Variants in ADAM32 observed in about 807,000 individuals in gnomAD.
ADAM32 encodes ADAM metallopeptidase domain 32.
ADAM32 carries 89 observed loss-of-function variants against 114.9 expected under a neutral mutation model. The observed-to-expected ratio is 0.77, with a 90% confidence interval of 0.65 to 0.92. The LOEUF is 0.92. Ranked by LOEUF, ADAM32 falls within the 40% of genes least tolerant of loss-of-function variation. The pLI, the probability that ADAM32 is intolerant of heterozygous loss-of-function variation, is 0.00. For missense variants in ADAM32, 870 were observed against 932.8 expected, an observed-to-expected ratio of 0.93 and a Z score of 0.88; for synonymous variants, 285 against 307.5, an observed-to-expected ratio of 0.93 and a Z score of 0.77.
At chr8:39,141,419 C>G (rs1373602786) in intron 3 of ADAM32, among the ~76,000 whole-genome samples, 2 of 152,192 alleles carry the variant, frequency 1.3e-5, no homozygotes, top group African/African-American at 4.8e-5. Flanking sequence ...CAAAGAACAT[C>G]TTTATTTCTC....
chr8:39,225,976 C>A (rs1035529201), intron 14 of ADAM32, among the ~76,000 whole-genome samples: 8 of 152,060 alleles, frequency 5.3e-5, no homozygotes, highest in Non-Finnish European at 7.4e-5. Context: ...ATTGCCTGAA[C>A]AAGATTCAAA....
intron 22 of ADAM32, among the ~76,000 whole-genome samples, chr8:39,277,544 C>G (rs546714026): frequency 6.6e-6 from 1 of 152,212 alleles, no homozygotes; most frequent in Non-Finnish European, 1.5e-5. Context: ...AGGGGTGCCT[C>G]GTTTACTCAG....
chr8:39,263,578 A>G (rs570403344), intron 19 of ADAM32, among the ~76,000 whole-genome samples: 2 of 152,264 alleles, frequency 1.3e-5, no homozygotes, highest in Middle Eastern at 6.8e-3. Flanking sequence ...AAACTGGGAT[A>G]TAATTTACAT....
chr8:39,188,911 A>G (rs1022191105), intron 11 of ADAM32, among the ~76,000 whole-genome samples: 3 of 152,154 alleles, frequency 2.0e-5, no homozygotes, highest in African/African-American at 7.2e-5. Context: ...CTCACACATT[A>G]TGTTAGTTCT....
At chr8:39,181,077 G>A (rs1219144797) in intron 10 of ADAM32, among the ~76,000 whole-genome samples, 2 of 152,202 alleles carry the variant, frequency 1.3e-5, no homozygotes, top group Admixed American at 6.5e-5. Context: ...GATGTGGGTG[G>A]GGCCAGATAA....
At chr8:39,254,044 G>T (rs371173545) in intron 17 of ADAM32, among the ~76,000 whole-genome samples, 2 of 151,562 alleles carry the variant, frequency 1.3e-5, no homozygotes, top group Non-Finnish European at 3.0e-5. Context: ...CATATAAAGC[G>T]ATGGATGAAA....
chr8:39,192,079 C>T (rs755827536), intron 11 of ADAM32, among the ~76,000 whole-genome samples: 7 of 152,032 alleles, frequency 4.6e-5, no homozygotes, highest in Non-Finnish European at 1.0e-4. Flanking sequence ...GTTTTTGGTC[C>T]GTTCAGGGAT....
rs1372370309 is a variant in ADAM32 at position 39,151,366 on chromosome 8, T to C, written c.354-11T>C. 1.3e-6 allele frequency: 2 copies of C among 1,566,962 alleles called. No individual in the cohort carries two copies. The highest frequency in any genetic ancestry group is 2.0e-5 in the Admixed American group (1 of 49,264). The stretch of plus-strand genomic sequence containing the variant: ...TTAAAAGCACTTAAAATTGTATTCA[T>C]AATTTCACAGAGGAATACTGCAATT... On this transcript the variant is annotated splice_polypyrimidine_tract_variant and intron_variant, in intron 5 of 24. Coordinates refer to ENST00000379907, the MANE Select transcript of ADAM32 (RefSeq NM_145004.7).
In ADAM32 at chr8:39,187,064, T is replaced by C; in HGVS notation, c.1052+19T>C. 1 of 1,582,552 alleles carries C rather than the reference T, an allele frequency of 6.3e-7. No individual in the cohort carries two copies. The highest frequency in any genetic ancestry group is 8.6e-7 in the Non-Finnish European group (1 of 1,162,976). ...AAGTTGTGTAAGTTTTAACAATTTA[T>C]TTATTGCTTATGTTTATTTCATTTT... is the stretch of plus-strand genomic sequence containing the variant. On this transcript the variant is annotated intron_variant, in intron 11 of 24. Transcript: ENST00000379907.
intron 1 of ADAM32, among the ~76,000 whole-genome samples, chr8:39,116,986 C>A (rs1330204186): frequency 6.6e-6 from 1 of 152,014 alleles, no homozygotes; most frequent in African/African-American, 2.4e-5. Context: ...TGGGTTCAAG[C>A]GATTCTCCTG....
At chr8:39,199,547 T>C (rs1232341590) in intron 11 of ADAM32, among the ~76,000 whole-genome samples, 2 of 152,232 alleles carry the variant, frequency 1.3e-5, no homozygotes, top group Non-Finnish European at 2.9e-5. Flanking sequence ...TTCTGTTTGA[T>C]TCTTTTTTAT....
Position 39,250,011 on chromosome 8 carries a change from A to G in ADAM32, c.1902+3845A>G, listed in dbSNP as rs116156045. Among the ~76,000 whole-genome samples, 465 of 152,000 alleles carry G rather than the reference A, an allele frequency of 3.1e-3. 3 individuals carry two copies. Among genetic ancestry groups the G allele is most frequent in the African/African-American group, 0.011 (449 of 41,488 alleles). On this transcript the variant is annotated intron_variant, in intron 17 of 24. Transcript: ENST00000379907. Reference sequence around the variant, plus strand: ...CTGGCTTCTTTCCAAATTTGTCTTTATCTTTGATTTTCTGTAGTTTGAAAG... The same window carrying G: ...CTGGCTTCTTTCCAAATTTGTCTTTGTCTTTGATTTTCTGTAGTTTGAAAG...
intron 12 of ADAM32, among the ~76,000 whole-genome samples, chr8:39,218,827 G>A (rs1429494477): frequency 6.6e-6 from 1 of 152,026 alleles, no homozygotes; most frequent in East Asian, 1.9e-4. Flanking sequence ...CCTGGAATAA[G>A]GGAACCCAAG....
At chr8:39,109,068 G>A (rs1334480755) in intron 1 of ADAM32, among the ~76,000 whole-genome samples, 1 of 152,178 alleles carries the variant, frequency 6.6e-6, no homozygotes, top group East Asian at 1.9e-4. Context: ...GATACATTCA[G>A]TTCATAACAC....
At chr8:39,149,892 A>G in intron 5 of ADAM32, 25 bp downstream of exon 5, 1 of 1,567,416 alleles carries the variant, frequency 6.4e-7, no homozygotes, top group Non-Finnish European at 8.8e-7. Flanking sequence ...TTGATTACAG[A>G]ACACCTTAGT....
At position 39,107,817 on chromosome 8, in the gene ADAM32, C is replaced by T. The variant is rs1336086788; in HGVS notation, c.42C>T (p.Leu14=). The part of the protein sequence containing the change: ...LWLLLAGLCG[L]LASRPGFQNS... Reference sequence around the variant, plus strand: ...TGCTGCTGGCCGGGCTCTGCGGCCTCCTGGCGTCAAGACCCGGTGAGCCAG... The same window carrying T: ...TGCTGCTGGCCGGGCTCTGCGGCCTTCTGGCGTCAAGACCCGGTGAGCCAG... The change falls in exon 1 of 25, where the codon CTC becomes CTT. Residue 14 remains leucine, a synonymous_variant. Coordinates refer to ENST00000379907, the MANE Select transcript of ADAM32 (RefSeq NM_145004.7). 7 of 1,547,990 alleles carry T rather than the reference C, an allele frequency of 4.5e-6. No homozygotes were observed. The highest frequency in any genetic ancestry group is 1.4e-5 in the African/African-American group (1 of 73,038).
chr8:39,260,314 T>C (rs1403814536), intron 19 of ADAM32, among the ~76,000 whole-genome samples: 1 of 152,168 alleles, frequency 6.6e-6, no homozygotes, highest in Non-Finnish European at 1.5e-5. Flanking sequence ...GCCCTTTTTT[T>C]CTTATTTCTT....
rs1182694587 is a variant in ADAM32 at position 39,234,066 on chromosome 8, A to G, written c.1802A>G (p.Gln601Arg). 2.1e-6 allele frequency: 3 copies of G among 1,455,586 alleles called. No individual in the cohort carries two copies. The highest frequency in any genetic ancestry group is 1.8e-6 in the Non-Finnish European group (2 of 1,098,450). The allele number at this position is 1,455,586 out of a possible 1,614,324, so 90.2% of individuals were successfully genotyped here. A position where few individuals can be genotyped will look rare whatever the true frequency, so the allele number is the denominator to read the frequency against. ...PDPLAVKNGS[Q>R]CDIGRVCVNR... ...CCACTGGCTGTCAAAAATGGCTCTC[A>G]GTGTGATATTGGGAGGGTAAATAAT... The change falls in exon 16 of 25, where the codon CAG becomes CGG. Residue 601 changes from glutamine (Q) to arginine (R), a missense_variant. Gln to Arg is a conservative substitution (Grantham distance 43). Transcript: ENST00000379907.
At chr8:39,200,010 C>A (rs1000125567) in intron 11 of ADAM32, among the ~76,000 whole-genome samples, 6 of 152,156 alleles carry the variant, frequency 3.9e-5, no homozygotes, top group African/African-American at 1.4e-4. Context: ...TTTTCTTAAT[C>A]CACTCTATCA....
Sources: gnomAD v4.1 joint callset for allele counts (sites outside exome capture counted in the v4.1 genomes callset) on GRCh38, gnomAD v4.1.1 for gene constraint, MANE v1.5 for transcripts, NCBI Gene and HGNC (gene_info 2026-07-23, HGNC 2026-07-21) for gene names.